The following BICD1 variants were observed in gnomAD, a reference collection of about 807,000 sequenced individuals.
BICD1 encodes the protein BICD cargo adaptor 1, also known as protein bicaudal D homolog 1.
Under a neutral mutation model 92.5 loss-of-function variants are expected in BICD1, and 35 were observed. The observed-to-expected ratio is 0.38, with a 90% CI of 0.29 to 0.50. The LOEUF (loss-of-function observed/expected upper bound fraction) is 0.50. BICD1 is among the 20% of genes least tolerant of loss of function. BICD1 has a pLI of 0.93. For synonymous variants in BICD1, 429 were observed against 465.1 expected, an observed-to-expected ratio of 0.92 and a Z score of 1.00; for missense variants, 950 against 1,189.8, an observed-to-expected ratio of 0.80 and a Z score of 2.97.
chr12:32,372,846 C>T (rs952246465), intron 9 of BICD1, among the ~76,000 whole-genome samples: 3 of 152,208 alleles, frequency 2.0e-5, no homozygotes, highest in South Asian at 2.1e-4. Flanking sequence ...CACTGCGCTC[C>T]GGCCTGGGTG....
At chr12:32,348,884 A>G (rs1276710699) in intron 8 of BICD1, among the ~76,000 whole-genome samples, 7 of 151,824 alleles carry the variant, frequency 4.6e-5, no homozygotes, top group Middle Eastern at 3.4e-3. Context: ...CCCAGTAACA[A>G]CAAACTAGTC....
intron 1 of BICD1, among the ~76,000 whole-genome samples, chr12:32,166,400 T>A (rs1333810346): frequency 6.6e-6 from 1 of 152,026 alleles, no homozygotes; most frequent in Non-Finnish European, 1.5e-5. Context: ...CCACCCAAAG[T>A]GCTGGGATTA....
At chr12:32,144,155 G>A (rs1483988283) in intron 1 of BICD1, among the ~76,000 whole-genome samples, 2 of 152,116 alleles carry the variant, frequency 1.3e-5, no homozygotes, top group East Asian at 3.9e-4. Context: ...TCTTTGTTAT[G>A]TATTTTTGTG....
rs1940161307 is a variant in BICD1, at chr12:32,381,108, A to C, written c.*3481A>C. On this transcript the variant is annotated 3_prime_UTR_variant, in exon 10 of 10. Coordinates refer to ENST00000652176, the MANE Select transcript of BICD1 (RefSeq NM_001714.4). ...TATTTTAAGTTTTAAAATACATTAA[A>C]ATTTTACTGGTTAATCATAAAATAT... 6.6e-6 allele frequency: 1 copy of C among 152,120 alleles called. No individual in the cohort carries two copies. The highest frequency in any genetic ancestry group is 6.5e-5 in the Admixed American group (1 of 15,270). 9.4% of individuals were successfully genotyped at this position (152,120 alleles called of 1,614,324 possible). A position where few individuals can be genotyped will look rare whatever the true frequency, so the allele number is the denominator to read the frequency against.
intron 1 of BICD1, among the ~76,000 whole-genome samples, chr12:32,124,616 G>A (rs1942264549): frequency 6.6e-6 from 1 of 152,138 alleles, no homozygotes; most frequent in African/African-American, 2.4e-5. Flanking sequence ...AGGAGTGGAG[G>A]GTAGCAAACT....
At chr12:32,209,911 A>G (rs959953298) in intron 1 of BICD1, among the ~76,000 whole-genome samples, 3 of 152,220 alleles carry the variant, frequency 2.0e-5, no homozygotes, top group African/African-American at 7.2e-5. Flanking sequence ...AAAATAAAAA[A>G]TTCAGTACTT....
rs1366160098 is a variant in BICD1, at chr12:32,216,411, A to T, written c.378A>T (p.Val126=). 1 of 1,614,234 alleles carries T rather than the reference A, an allele frequency of 6.2e-7. No individual in the cohort carries two copies. The highest frequency in any genetic ancestry group is 2.2e-5 in the East Asian group (1 of 44,884). The part of the protein sequence containing the change: ...LKQSRAVVTN[V]QAENERLTAV... ...AGAGCCGGGCTGTGGTCACTAATGT[A>T]CAGGCAGAAAACGAGAGGCTCACCG... Residue 126 remains valine (V), a synonymous_variant, in exon 2 of 10, where the codon GTA becomes GTT. Coordinates refer to ENST00000652176, the MANE Select transcript of BICD1 (RefSeq NM_001714.4).
At chr12:32,347,365 C>T (rs1179890487) in intron 8 of BICD1, among the ~76,000 whole-genome samples, 2 of 151,378 alleles carry the variant, frequency 1.3e-5, no homozygotes, top group Non-Finnish European at 2.9e-5. Context: ...TTGAGCCAGG[C>T]GTGGTGGCTC....
intron 4 of BICD1, among the ~76,000 whole-genome samples, chr12:32,319,688 C>T (rs1948597383): frequency 6.6e-6 from 1 of 152,080 alleles, no homozygotes; most frequent in Non-Finnish European, 1.5e-5. Context: ...AGCAATTCTC[C>T]TGCCTCAGCC....
At chr12:32,241,238 C>T (rs1353134832) in intron 2 of BICD1, among the ~76,000 whole-genome samples, 2 of 152,196 alleles carry the variant, frequency 1.3e-5, no homozygotes, top group Non-Finnish European at 2.9e-5. Context: ...CAGAAATTAC[C>T]ATTCCATTAA....
chr12:32,198,098 G>A (rs1471693488), intron 1 of BICD1, among the ~76,000 whole-genome samples: 1 of 151,716 alleles, frequency 6.6e-6, no homozygotes, highest in Non-Finnish European at 1.5e-5. Context: ...CCAGCTACTC[G>A]GGTGGCTGAG....
intron 4 of BICD1, among the ~76,000 whole-genome samples, chr12:32,324,512 C>T (rs1948730687): frequency 6.6e-6 from 1 of 152,082 alleles, no homozygotes; most frequent in Admixed American, 6.6e-5. Context: ...CTTTAATGTG[C>T]CAGCATCACT....
At chr12:32,260,611 T>A (rs984004069) in intron 2 of BICD1, among the ~76,000 whole-genome samples, 1 of 151,994 alleles carries the variant, frequency 6.6e-6, no homozygotes, top group African/African-American at 2.4e-5. Context: ...AATTGTCTGT[T>A]CTATTCTATC....
chr12:32,337,492 G>A lies in BICD1; in HGVS notation c.2253-7G>A. 1 of 1,601,470 alleles carries A rather than the reference G, an allele frequency of 6.2e-7. No homozygotes were observed. The highest frequency in any genetic ancestry group is 8.6e-7 in the Non-Finnish European group (1 of 1,169,432). ...TTCCTCTGACCACTTCTCTGTTTTG[G>A]TTCCAGATGTGATGAATATGTCACC... On this transcript the variant is annotated splice_polypyrimidine_tract_variant and splice_region_variant and intron_variant, in intron 6 of 9. Coordinates refer to ENST00000652176, the MANE Select transcript of BICD1 (RefSeq NM_001714.4). The surrounding 1 kb of genome is among the most constrained non-coding windows in gnomAD (Gnocchi z 4.7).
intron 3 of BICD1, among the ~76,000 whole-genome samples, chr12:32,302,814 A>T (rs375371145): frequency 1.3e-5 from 2 of 151,122 alleles, no homozygotes; most frequent in Admixed American, 6.6e-5. Flanking sequence ...GATATTATAA[A>T]TAATGGTCTC....
At chr12:32,368,693 TA>T (rs1216457179) in intron 9 of BICD1, among the ~76,000 whole-genome samples, 1 of 150,846 alleles carries the variant, frequency 6.6e-6, no homozygotes, top group East Asian at 1.9e-4. Context: ...AGATTCCATC[TA>T]AAAAAAAATA....
rs556229563 is a variant in BICD1, at chr12:32,122,237, GAAATCGAGACCATCCTAACAC to G, written c.213+14695_213+14715del. ...CGAGGTGGGTGGATCACGAGGTCAGGAAATCGAGACCATCCTAACACAGATCGAGACCATCCTAACACAGAT... is the reference window on the plus strand; with the variant it reads ...CGAGGTGGGTGGATCACGAGGTCAGGAGATCGAGACCATCCTAACACAGAT... On this transcript the variant is annotated intron_variant, in intron 1 of 9. Coordinates refer to ENST00000652176, the MANE Select transcript of BICD1 (RefSeq NM_001714.4). Among the ~76,000 whole-genome samples the G allele has an allele frequency of 8.5e-4, 129 of 151,906 alleles. No homozygotes were observed. In the South Asian group the frequency reaches 0.02, roughly 24 times the overall value.
At chr12:32,222,634 C>T (rs776136335) in intron 2 of BICD1, among the ~76,000 whole-genome samples, 93 of 152,280 alleles carry the variant, frequency 6.1e-4, no homozygotes, top group African/African-American at 2.1e-3. Flanking sequence ...AGTTTTAATA[C>T]GATAGCTGCT....
Position 32,377,246 on chromosome 12 carries a change from G to A in BICD1, c.2841-294G>A, listed in dbSNP as rs374791293. Among the ~76,000 whole-genome samples the A allele has an allele frequency of 1.2e-4, 18 of 152,298 alleles. No homozygotes were observed. The South Asian group carries it at 3.5e-3, about 30-fold the overall frequency. On this transcript the variant is annotated intron_variant, in intron 9 of 9. Transcript: ENST00000652176. ...GAGAACAAGACCGTGCAAAAATTGA[G>A]AAGAACTTCTGTAAAATGCTGGGGG... is the stretch of plus-strand genomic sequence containing the variant.
Sources: gnomAD v4.1 joint callset for allele counts (sites outside exome capture counted in the v4.1 genomes callset) on GRCh38, gnomAD v4.1.1 for gene constraint, Gnocchi (gnomAD v3.1) non-coding constraint, MANE v1.5 for transcripts, NCBI Gene and HGNC (gene_info 2026-07-23, HGNC 2026-07-21) for gene names.